The following VAMP4 variants were observed in gnomAD, a reference collection of about 807,000 sequenced individuals.
VAMP4 encodes vesicle associated membrane protein 4, also known as vesicle-associated membrane protein 4.
In VAMP4, 19 loss-of-function variants were observed where a neutral mutation model predicts 23.5. That is an observed-to-expected ratio of 0.81 (90% CI 0.56 to 1.19). VAMP4 has a LOEUF of 1.19. Ranked by LOEUF, VAMP4 falls within the 50% of genes most tolerant of loss-of-function variation. VAMP4 has a pLI of 0.00. For missense variants in VAMP4, 145 were observed against 168.6 expected (o/e 0.86, Z 0.78); for synonymous variants, 31 against 51.0 (o/e 0.61, Z 1.67).
intron 1 of VAMP4, among the ~76,000 whole-genome samples, chr1:171,740,994 A>G (rs1433659705): frequency 1.3e-5 from 2 of 152,214 alleles, no homozygotes; most frequent in African/African-American, 2.4e-5. Context: ...GAAATAAATC[A>G]TGCTCAGAAA....
In VAMP4 at chr1:171,704,536, T is replaced by A; in HGVS notation, c.398-2A>T. 1 of 1,578,154 alleles carries A rather than the reference T, an allele frequency of 6.3e-7. No individual in the cohort carries two copies. Among genetic ancestry groups the A allele is most frequent in the Non-Finnish European group, 8.6e-7 (1 of 1,161,316 alleles). ...TACGGTATTTCATGACTATAAGAAC[T>A]GTAAGAGAAAACATGAAAAAAGCAA... On this transcript the variant is annotated splice_acceptor_variant, in intron 7 of 7. Transcript: ENST00000236192. LOFTEE classifies it high-confidence loss of function.
Position 171,704,428 on chromosome 1 carries a change from CAT to C in VAMP4, c.*76_*77del. On this transcript the variant is annotated 3_prime_UTR_variant, in exon 8 of 8. Coordinates refer to ENST00000236192, the MANE Select transcript of VAMP4 (RefSeq NM_003762.5). ...AAAGAAGTTTTGAAAGTTATATACA[CAT>C]AGGTTTCATTTAAATTATGCAGCAA... 3 of 1,307,012 alleles carry C rather than the reference CAT, an allele frequency of 2.3e-6. No homozygotes were observed. The highest frequency in any genetic ancestry group is 3.1e-6 in the Non-Finnish European group (3 of 963,654). 81.0% of individuals were successfully genotyped at this position (1,307,012 alleles called of 1,614,324 possible). A position where few individuals can be genotyped will look rare whatever the true frequency, so the allele number is the denominator to read the frequency against.
intron 3 of VAMP4, among the ~76,000 whole-genome samples, chr1:171,724,461 T>C (rs1233492896): frequency 6.6e-6 from 1 of 152,066 alleles, no homozygotes; most frequent in Non-Finnish European, 1.5e-5. Flanking sequence ...ACCCTAGAAC[T>C]TAAAGTATAA....
chr1:171,709,115 T>G (rs1241070591), intron 6 of VAMP4, among the ~76,000 whole-genome samples: 1 of 152,116 alleles, frequency 6.6e-6, no homozygotes, highest in Non-Finnish European at 1.5e-5. Context: ...GAGTATATAT[T>G]AGTATGTAGT....
chr1:171,725,593 C>G (rs905562727), intron 3 of VAMP4, among the ~76,000 whole-genome samples: 2 of 152,194 alleles, frequency 1.3e-5, no homozygotes, highest in Admixed American at 1.3e-4. Flanking sequence ...TATCTCCCCA[C>G]ATTATCTGAC....
chr1:171,709,827 T>A, intron 5 of VAMP4, 83 bp from the exon 6 acceptor site: 5 of 1,101,586 alleles, frequency 4.5e-6, no homozygotes, highest in Non-Finnish European at 5.5e-6. Context: ...AAGAAAATAT[T>A]AATTTCTACT....
intron 2 of VAMP4, among the ~76,000 whole-genome samples, chr1:171,734,592 T>C (rs995010011): frequency 3.3e-5 from 5 of 152,178 alleles, no homozygotes; most frequent in Admixed American, 6.5e-5. Flanking sequence ...AGTGGGTGAA[T>C]TGTATGGTAC....
intron 3 of VAMP4, among the ~76,000 whole-genome samples, chr1:171,727,229 A>C (rs1263550607): frequency 7.7e-6 from 1 of 129,946 alleles, no homozygotes; most frequent in Non-Finnish European, 1.6e-5. Flanking sequence ...GGCAAAAGTA[A>C]TACCTTGTCT....
At chr1:171,728,652 A>G (rs767871951) in intron 2 of VAMP4, 82 bp from the exon 3 acceptor site, 17 of 1,325,346 alleles carry the variant, frequency 1.3e-5, no homozygotes, top group Non-Finnish European at 1.6e-5. Flanking sequence ...AATAAGTCCT[A>G]TACTAGTGAA....
chr1:171,718,959 T>C (rs375681930), intron 4 of VAMP4, among the ~76,000 whole-genome samples: 1 of 152,206 alleles, frequency 6.6e-6, no homozygotes, highest in Non-Finnish European at 1.5e-5. Context: ...GGCCATAAAA[T>C]GTGACACAGC....
In VAMP4 at chr1:171,701,729, G is replaced by T. The variant is rs1338942127; in HGVS notation, c.*2777C>A. The T allele has an allele frequency of 6.6e-6, 1 of 152,006 alleles. No homozygotes were observed. The highest frequency in any genetic ancestry group is 1.5e-5 in the Non-Finnish European group (1 of 67,966). 9.4% of individuals were successfully genotyped at this position (152,006 alleles called of 1,614,324 possible). The stretch of plus-strand genomic sequence containing the variant: ...TATATAATATTCCATCTTCAGTAAT[G>T]AACTTTTATCTAATTAAGAAATCCC... On this transcript the variant is annotated 3_prime_UTR_variant, in exon 8 of 8. Transcript: ENST00000236192.
At chr1:171,734,726 T>C (rs1020097508) in intron 2 of VAMP4, among the ~76,000 whole-genome samples, 1 of 152,162 alleles carries the variant, frequency 6.6e-6, no homozygotes, top group Admixed American at 6.6e-5. Flanking sequence ...AACTTCATAA[T>C]ATAATAAACA....
chr1:171,729,976 G>A (rs530174520), intron 2 of VAMP4, among the ~76,000 whole-genome samples: 1 of 152,290 alleles, frequency 6.6e-6, no homozygotes, highest in African/African-American at 2.4e-5. Flanking sequence ...CAGACAGACA[G>A]AGACAGACAG....
intron 6 of VAMP4, among the ~76,000 whole-genome samples, chr1:171,709,245 T>C (rs751311251): frequency 6.6e-6 from 1 of 152,124 alleles, no homozygotes; most frequent in Non-Finnish European, 1.5e-5. Flanking sequence ...TTCGGATATG[T>C]AAGCTTTTAT....
At position 171,715,738 on chromosome 1, in the gene VAMP4, G is replaced by A. The variant is rs554810631; in HGVS notation, c.164+3433C>T. Among the ~76,000 whole-genome samples, 4 of 152,296 alleles carry A rather than the reference G, an allele frequency of 2.6e-5. No individual in the cohort carries two copies. In the South Asian group the frequency reaches 8.3e-4, roughly 32 times the overall value. The stretch of plus-strand genomic sequence containing the variant: ...ATAAAGAAAACACTGGCCAGGTGCA[G>A]TGGCTCACACCTGCAATCCTAGCAT... On this transcript the variant is annotated intron_variant, in intron 4 of 7. Coordinates refer to ENST00000236192, the MANE Select transcript of VAMP4 (RefSeq NM_003762.5).
intron 2 of VAMP4, among the ~76,000 whole-genome samples, chr1:171,735,965 C>T (rs1486481943): frequency 6.6e-6 from 1 of 152,096 alleles, no homozygotes; most frequent in African/African-American, 2.4e-5. Flanking sequence ...CGGCTCACTG[C>T]AACCTCTGCC....
In VAMP4 at chr1:171,701,700, A is replaced by G. The variant is rs1247161025; in HGVS notation, c.*2806T>C. ...CATGTCTATTAATTACCCTTCCTCC[A>G]TCTTATATAATATTCCATCTTCAGT... On this transcript the variant is annotated 3_prime_UTR_variant, in exon 8 of 8. Coordinates refer to ENST00000236192, the MANE Select transcript of VAMP4 (RefSeq NM_003762.5). 1 of 152,134 alleles carries G rather than the reference A, an allele frequency of 6.6e-6. No individual in the cohort carries two copies. The highest frequency in any genetic ancestry group is 1.5e-5 in the Non-Finnish European group (1 of 67,984). The allele number at this position is 152,134 out of a possible 1,614,324, so 9.4% of individuals were successfully genotyped here.
In VAMP4 at chr1:171,701,510, C is replaced by A. The variant is rs188148720; in HGVS notation, c.*2996G>T. On this transcript the variant is annotated 3_prime_UTR_variant, in exon 8 of 8. Coordinates refer to ENST00000236192, the MANE Select transcript of VAMP4 (RefSeq NM_003762.5). ...TATTCCTGCCTTCTCAGTCTGTACA[C>A]ATATTATCATTTACAGGATAGTCAC... The A allele has an allele frequency of 6.6e-6, 1 of 152,220 alleles. No homozygotes were observed. The highest frequency in any genetic ancestry group is 1.9e-4 in the East Asian group (1 of 5,188). 9.4% of individuals were successfully genotyped at this position (152,220 alleles called of 1,614,324 possible).
intron 2 of VAMP4, among the ~76,000 whole-genome samples, chr1:171,729,418 G>C (rs1655486980): frequency 6.6e-6 from 1 of 152,120 alleles, no homozygotes. Context: ...CATAGCCTAA[G>C]GGTAATTTCA....
Sources: gnomAD v4.1 joint callset for allele counts (sites outside exome capture counted in the v4.1 genomes callset) on GRCh38, gnomAD v4.1.1 for gene constraint, MANE v1.5 for transcripts, NCBI Gene and HGNC (gene_info 2026-07-23, HGNC 2026-07-21) for gene names.